Variants in FMN2 observed in about 807,000 individuals in gnomAD.
The protein encoded by FMN2 is formin 2, also known as formin-2.
Under a neutral mutation model 142.3 loss-of-function variants are expected in FMN2, and 51 were observed. That is an observed-to-expected ratio of 0.36 (90% confidence interval 0.29 to 0.45). The LOEUF (loss-of-function observed/expected upper bound fraction) is 0.45, where lower values mean the gene tolerates loss of function less well. Among genes scored for constraint, FMN2 ranks in the 20% least tolerant of loss-of-function variants. The pLI is 1.00. For synonymous variants in FMN2, 882 were observed against 869.8 expected (o/e 1.01, Z -0.25); for missense variants, 1,936 against 2,122.8 (o/e 0.91, Z 1.73).
At chr1:240,310,586 A>G (rs1670571658) in intron 8 of FMN2, among the ~76,000 whole-genome samples, 1 of 152,208 alleles carries the variant, frequency 6.6e-6, no homozygotes. Flanking sequence ...TAAAAACAAA[A>G]ATCATTACAG....
intron 4 of FMN2, among the ~76,000 whole-genome samples, chr1:240,191,611 A>G (rs1665703834): frequency 6.6e-6 from 1 of 152,248 alleles, no homozygotes; most frequent in Non-Finnish European, 1.5e-5. Context: ...TGAAATATTT[A>G]AACTGTAAAG....
In FMN2 at chr1:240,093,332, T is replaced by C. The variant is rs759121938; in HGVS notation, c.1223T>C (p.Phe408Ser). ...PGSPAPSQRC[F>S]KPYPLITPCY... ...AGCCCCGCGCCTAGCCAGCGCTGTT[T>C]CAAGCCCTACCCGCTCATCACCCCC... Residue 408 changes from phenylalanine to serine, a missense_variant, in exon 1 of 18, where the codon TTC becomes TCC. Coordinates refer to ENST00000319653, the MANE Select transcript of FMN2 (RefSeq NM_020066.5). 1 of 1,612,442 alleles carries C rather than the reference T, an allele frequency of 6.2e-7. No homozygotes were observed. Among genetic ancestry groups the C allele is most frequent in the Non-Finnish European group, 8.5e-7 (1 of 1,179,346 alleles).
chr1:240,459,894 A>C (rs533934066), intron 16 of FMN2, among the ~76,000 whole-genome samples: 11 of 152,272 alleles, frequency 7.2e-5, no homozygotes, highest in African/African-American at 2.4e-4. Flanking sequence ...TGCTTTCACC[A>C]AGTTAAAGTT....
chr1:240,102,470 T>A (rs1432846252), intron 1 of FMN2, among the ~76,000 whole-genome samples: 11 of 152,230 alleles, frequency 7.2e-5, no homozygotes, highest in Non-Finnish European at 1.5e-4. Flanking sequence ...TACTTGTAGA[T>A]AATTGGCTTC....
intron 6 of FMN2, among the ~76,000 whole-genome samples, chr1:240,257,450 T>TA (rs1668483187): frequency 2.0e-5 from 3 of 152,250 alleles, no homozygotes; most frequent in Admixed American, 6.5e-5. Flanking sequence ...AGCACTTTTT[T>TA]AAAAAAATTT....
At chr1:240,113,558 A>AAAC (rs1491351794) in intron 1 of FMN2, among the ~76,000 whole-genome samples, 3 of 4,870 alleles carry the variant, frequency 6.2e-4, no homozygotes, top group African/African-American at 2.5e-3. Flanking sequence ...ACTCCGTCTC[A>AAAC]AAAAAAAAAA....
intron 8 of FMN2, among the ~76,000 whole-genome samples, chr1:240,311,048 C>G (rs1189992377): frequency 1.3e-5 from 2 of 151,892 alleles, no homozygotes; most frequent in African/African-American, 4.8e-5. Context: ...TTCAACACCC[C>G]CTTTGTCATT....
Position 240,306,228 on chromosome 1 carries a change from G to A in FMN2, c.4215+11345G>A, listed in dbSNP as rs145429164. On this transcript the variant is annotated intron_variant, in intron 8 of 17. Coordinates refer to ENST00000319653, the MANE Select transcript of FMN2 (RefSeq NM_020066.5). The stretch of plus-strand genomic sequence containing the variant: ...TTCCCAAAGTGCTGGGATTACAGGC[G>A]TGAGCCACCGCACCCGGCTGCTTAT... Among the ~76,000 whole-genome samples the A allele has an allele frequency of 4.5e-4, 68 of 152,184 alleles. 1 individual carries two copies. In the East Asian group the frequency reaches 6.2e-3, roughly 14 times the overall value.
At chr1:240,191,631 C>T (rs1468966812) in intron 4 of FMN2, among the ~76,000 whole-genome samples, 2 of 152,206 alleles carry the variant, frequency 1.3e-5, no homozygotes, top group African/African-American at 4.8e-5. Flanking sequence ...GCCTTTTATA[C>T]TCTGTAGTAT....
intron 13 of FMN2, among the ~76,000 whole-genome samples, chr1:240,336,868 A>G (rs1671582016): frequency 1.3e-5 from 2 of 152,110 alleles, no homozygotes; most frequent in South Asian, 4.1e-4. Flanking sequence ...CTGACAAATC[A>G]TAATTTACCT....
At chr1:240,340,352 A>T (rs1301766601) in intron 13 of FMN2, among the ~76,000 whole-genome samples, 2 of 152,086 alleles carry the variant, frequency 1.3e-5, no homozygotes, top group East Asian at 3.9e-4. Context: ...AGGCCGAGGC[A>T]GGTGGATTGC....
chr1:240,219,045 G>C (rs1667010255), intron 6 of FMN2, among the ~76,000 whole-genome samples: 1 of 152,108 alleles, frequency 6.6e-6, no homozygotes, highest in South Asian at 2.1e-4. Flanking sequence ...AGGATTAAGG[G>C]ATGATTTTTG....
chr1:240,210,618 G>T (rs1199610518), intron 5 of FMN2, among the ~76,000 whole-genome samples: 1 of 152,142 alleles, frequency 6.6e-6, no homozygotes, highest in Non-Finnish European at 1.5e-5. Flanking sequence ...TTTTTAGGTG[G>T]TACTACACGA....
intron 4 of FMN2, among the ~76,000 whole-genome samples, chr1:240,205,797 T>A (rs536360241): frequency 2.2e-4 from 33 of 151,938 alleles, no homozygotes; most frequent in Admixed American, 4.6e-4. Flanking sequence ...TTTTTTTTTC[T>A]TGAAGGGTTC....
At chr1:240,314,152 CAT>C (rs1670688674) in intron 8 of FMN2, among the ~76,000 whole-genome samples, 1 of 152,098 alleles carries the variant, frequency 6.6e-6, no homozygotes, top group Middle Eastern at 3.2e-3. Flanking sequence ...TTTTAATTAT[CAT>C]ATAAGAATTC....
intron 13 of FMN2, among the ~76,000 whole-genome samples, chr1:240,338,628 G>A (rs1476910541): frequency 2.0e-5 from 3 of 152,136 alleles, no homozygotes; most frequent in African/African-American, 4.8e-5. Context: ...TCCTCACTTA[G>A]TTCAGCGTAT....
At chr1:240,192,093 C>G (rs1213660092) in intron 4 of FMN2, among the ~76,000 whole-genome samples, 1 of 152,186 alleles carries the variant, frequency 6.6e-6, no homozygotes, top group Non-Finnish European at 1.5e-5. Flanking sequence ...CCTACCGAGT[C>G]CCCTCATTGC....
At chr1:240,430,165 C>T (rs867358687) in intron 15 of FMN2, among the ~76,000 whole-genome samples, 8 of 152,062 alleles carry the variant, frequency 5.3e-5, no homozygotes, top group Admixed American at 2.0e-4. Flanking sequence ...GGATTACAGG[C>T]GTGAGCCACT....
intron 7 of FMN2, among the ~76,000 whole-genome samples, chr1:240,280,963 AT>A (rs1383203703): frequency 6.6e-6 from 1 of 152,136 alleles, no homozygotes; most frequent in Non-Finnish European, 1.5e-5. Flanking sequence ...GCATTTAAAG[AT>A]TTTATTCCAA....
Sources: gnomAD v4.1 joint callset for allele counts (sites outside exome capture counted in the v4.1 genomes callset) on GRCh38, gnomAD v4.1.1 for gene constraint, MANE v1.5 for transcripts, NCBI Gene and HGNC (gene_info 2026-07-23, HGNC 2026-07-21) for gene names.